The following NLRP11 variants were observed in gnomAD, a reference collection of about 807,000 sequenced individuals.
NLRP11 encodes NACHT, LRR and PYD domains-containing protein 11.
In NLRP11, 53 loss-of-function variants were observed where a neutral mutation model predicts 79.3. The observed-to-expected ratio is 0.67, with a 90% CI of 0.54 to 0.84. The LOEUF is 0.84. NLRP11 is among the 40% of genes least tolerant of loss of function. The probability of loss-of-function intolerance (pLI) is 0.00; values close to 1 mark genes in which losing one functional copy is unlikely to be tolerated. For missense variants in NLRP11, 1,264 were observed against 1,255.0 expected (o/e 1.01, Z -0.11); for synonymous variants, 518 against 462.6 (o/e 1.12, Z -1.54).
chr19:55,805,346 G>T (rs1397832329), intron 4 of NLRP11, among the ~76,000 whole-genome samples: 1 of 151,902 alleles, frequency 6.6e-6, no homozygotes, highest in Middle Eastern at 3.2e-3. Context: ...GCAAATCCAG[G>T]CATAGAACAC....
At chr19:55,804,415 C>T (rs1212717850) in intron 4 of NLRP11, among the ~76,000 whole-genome samples, 1 of 151,734 alleles carries the variant, frequency 6.6e-6, no homozygotes, top group Non-Finnish European at 1.5e-5. Flanking sequence ...CCATGGAATA[C>T]TATGCAGCCA....
chr19:55,816,611 C>T (rs1347622101), intron 2 of NLRP11, among the ~76,000 whole-genome samples: 3 of 152,088 alleles, frequency 2.0e-5, no homozygotes, highest in African/African-American at 4.8e-5. Flanking sequence ...CCCTCCATGA[C>T]GCTTACACAG....
At chr19:55,828,473 G>C (rs1484529522) in intron 1 of NLRP11, among the ~76,000 whole-genome samples, 2 of 152,116 alleles carry the variant, frequency 1.3e-5, no homozygotes, top group Non-Finnish European at 1.5e-5. Context: ...AATTAAAGTA[G>C]ATCTGTACTT....
chr19:55,788,724 AGT>A, intron 9 of NLRP11, 81 bp downstream of exon 9: 1 of 981,556 alleles, frequency 1.0e-6, no homozygotes, highest in South Asian at 1.7e-5. Flanking sequence ...TGGGCAACAG[AGT>A]GAGACTCTGT....
At chr19:55,788,955 T>C (rs769158733) in exon 9 of NLRP11, 1 of 1,613,940 alleles carries the variant, frequency 6.2e-7, no homozygotes, top group South Asian at 1.1e-5. Flanking sequence ...CAGCAGGCAC[T>C]GGTTAACATG....
Position 55,809,204 on chromosome 19 carries a change from T to C in NLRP11, c.1406A>G (p.Tyr469Cys). 2 of 1,613,640 alleles carry C rather than the reference T, an allele frequency of 1.2e-6. No homozygotes were observed. The highest frequency in any genetic ancestry group is 1.6e-4 in the Middle Eastern group (1 of 6,062). Residue 469 changes from tyrosine (Y) to cysteine (C), a missense_variant, in exon 3 of 10, where the codon TAT (tyrosine) becomes TGT (cysteine). By Grantham distance (194) the Tyr-to-Cys change is radical. Transcript: ENST00000589093. The surrounding 1 kb of genome is among the most constrained non-coding windows in gnomAD (Gnocchi z 4.5). The stretch of plus-strand genomic sequence containing the variant: ...CTCTCTGCTGCCTGAGGGGATCAGA[T>C]AGTTGGGTACTGCCATCAGAAATGC...
chr19:55,817,767 T>G (rs1981279562), intron 2 of NLRP11, 137 bp downstream of exon 2: 2 of 669,282 alleles, frequency 3.0e-6, no homozygotes, highest in Non-Finnish European at 2.5e-6. Flanking sequence ...AAATCACCAC[T>G]AAAGAACTTA....
At chr19:55,815,738 G>A (rs28441987) in intron 2 of NLRP11, among the ~76,000 whole-genome samples, 33,958 of 151,944 alleles carry the variant, frequency 0.22, 5,812 homozygotes, top group African/African-American at 0.48. Flanking sequence ...AAATTAAGGA[G>A]TTCACTAAGG....
chr19:55,788,363 CTTTT>C (rs74179639), intron 9 of NLRP11, among the ~76,000 whole-genome samples: 5 of 140,736 alleles, frequency 3.6e-5, no homozygotes, highest in Non-Finnish European at 7.7e-5. Flanking sequence ...AGAGGAAAGA[CTTTT>C]TTTTTTTTTT....
At chr19:55,805,118 G>A (rs754191185) in intron 4 of NLRP11, among the ~76,000 whole-genome samples, 18 of 151,882 alleles carry the variant, frequency 1.2e-4, no homozygotes, top group Admixed American at 3.3e-4. Context: ...TTGTCCTAGA[G>A]TCCCACCACC....
chr19:55,803,279 G>A (rs1017505647), intron 4 of NLRP11, among the ~76,000 whole-genome samples: 17 of 152,164 alleles, frequency 1.1e-4, no homozygotes, highest in African/African-American at 2.6e-4. Flanking sequence ...CCTGGGAGGC[G>A]GAGGTTGCAG....
At chr19:55,827,776 G>A (rs1331969500) in intron 1 of NLRP11, among the ~76,000 whole-genome samples, 2 of 151,368 alleles carry the variant, frequency 1.3e-5, no homozygotes, top group Non-Finnish European at 2.9e-5. Flanking sequence ...ACAGGTGCTG[G>A]AGAGGATGTG....
chr19:55,808,810 G>A (rs1404164609), exon 3 of NLRP11: 2 of 1,612,644 alleles, frequency 1.2e-6, no homozygotes, highest in African/African-American at 1.3e-5. Flanking sequence ...TTTGAAAGAT[G>A]CGCTGAACAC....
chr19:55,831,776 C>T (rs1982812404), intron 1 of NLRP11, among the ~76,000 whole-genome samples, 187 bp downstream of exon 1: 1 of 150,556 alleles, frequency 6.6e-6, no homozygotes, highest in Non-Finnish European at 1.5e-5. Context: ...AAGCATGACC[C>T]AAATTTACTC....
intron 5 of NLRP11, 136 bp from the exon 6 acceptor site, chr19:55,796,386 C>T (rs902325616): frequency 1.6e-5 from 12 of 737,300 alleles, no homozygotes; most frequent in South Asian, 7.9e-5. Flanking sequence ...CCCTTTGCTT[C>T]TAACCTTTCT....
At chr19:55,792,528 T>C (rs1978371923) in intron 6 of NLRP11, 57 bp from the exon 7 acceptor site, 5 of 1,446,692 alleles carry the variant, frequency 3.5e-6, no homozygotes, top group Non-Finnish European at 4.8e-6. Context: ...GGGGAGCACC[T>C]GAGACCACCC....
At chr19:55,808,003 C>A (rs1351482689) in exon 4 of NLRP11, 5 of 1,600,088 alleles carry the variant, frequency 3.1e-6, no homozygotes, top group Non-Finnish European at 4.3e-6. Flanking sequence ...GTAGACAAGG[C>A]TCTTCATTTG....
At chr19:55,789,030 C>A (rs1475447234) in intron 8 of NLRP11, 53 bp from the exon 9 acceptor site, 2 of 1,594,188 alleles carry the variant, frequency 1.3e-6, no homozygotes, top group Non-Finnish European at 1.7e-6. Flanking sequence ...GGAAAAATGG[C>A]AGATGAGATG....
chr19:55,785,696 T>A, exon 10 of NLRP11: 1 of 1,614,024 alleles, frequency 6.2e-7, no homozygotes, highest in African/African-American at 1.3e-5. Context: ...TTGAAAAACA[T>A]GTAATCCAAA....
Sources: gnomAD v4.1 joint callset for allele counts (sites outside exome capture counted in the v4.1 genomes callset) on GRCh38, gnomAD v4.1.1 for gene constraint, Gnocchi (gnomAD v3.1) non-coding constraint, MANE v1.5 for transcripts, NCBI Gene and HGNC (gene_info 2026-07-23, HGNC 2026-07-21) for gene names.